Variants in RIGI observed in about 807,000 individuals in gnomAD.
RIGI encodes antiviral innate immune response receptor RIG-I.
chr9:32,457,301 G>T, the RIGI span: 2 of 1,613,948 alleles, frequency 1.2e-6, no homozygotes, highest in Non-Finnish European at 1.7e-6. Flanking sequence ...CTGCAGTTCT[G>T]TCGGGCACAG....
the RIGI span, chr9:32,455,833 C>T: frequency 1.3e-5 from 2 of 152,178 alleles, no homozygotes; most frequent in Admixed American, 6.5e-5. Context: ...CTAACCCTTA[C>T]AGTTCAGTAT....
chr9:32,493,647 G>C, the RIGI span: 3 of 672,620 alleles, frequency 4.5e-6, no homozygotes, highest in Non-Finnish European at 7.1e-6. Flanking sequence ...ACTATTCTAT[G>C]AGTACTTTTG....
chr9:32,495,148 G>A, the RIGI span, among the ~76,000 whole-genome samples: 3 of 152,038 alleles, frequency 2.0e-5, no homozygotes, highest in African/African-American at 7.2e-5. Flanking sequence ...TACCAATCAG[G>A]CACAGGGTTG....
the RIGI span, among the ~76,000 whole-genome samples, chr9:32,463,191 C>A: frequency 2.0e-5 from 3 of 152,162 alleles, no homozygotes; most frequent in African/African-American, 7.2e-5. Flanking sequence ...CCCATCCCAC[C>A]TGAAATTATC....
the RIGI span, among the ~76,000 whole-genome samples, chr9:32,521,139 CAA>C: frequency 1.2e-4 from 4 of 32,776 alleles, no homozygotes; most frequent in African/African-American, 2.3e-4. Flanking sequence ...GACACCATCT[CAA>C]AAAAAAAAAA....
the RIGI span, among the ~76,000 whole-genome samples, chr9:32,458,982 C>CG: frequency 6.6e-6 from 1 of 151,212 alleles, no homozygotes; most frequent in Non-Finnish European, 1.5e-5. Context: ...CTCTGCCTCC[C>CG]GGTTCAAGCG....
chr9:32,509,277 G>A, the RIGI span, among the ~76,000 whole-genome samples: 1 of 152,294 alleles, frequency 6.6e-6, no homozygotes, highest in South Asian at 2.1e-4. Flanking sequence ...TCCTTAAGTG[G>A]GTCCCTGATA....
the RIGI span, chr9:32,487,584 T>G: frequency 4.0e-5 from 64 of 1,614,056 alleles, no homozygotes; most frequent in Non-Finnish European, 5.4e-5. Flanking sequence ...CAAGGCTTCA[T>G]CTGTGTTTTT....
chr9:32,510,823 G>A, the RIGI span, among the ~76,000 whole-genome samples: 1 of 152,002 alleles, frequency 6.6e-6, no homozygotes, highest in Non-Finnish European at 1.5e-5. Flanking sequence ...ACCCATTGGT[G>A]TGCTGTATTC....
the RIGI span, among the ~76,000 whole-genome samples, chr9:32,495,605 C>T: frequency 1.3e-5 from 2 of 151,208 alleles, no homozygotes; most frequent in African/African-American, 4.9e-5. Context: ...TTTCCATATG[C>T]TCATTAGCCA....
chr9:32,464,557 T>A, the RIGI span, among the ~76,000 whole-genome samples: 1 of 152,110 alleles, frequency 6.6e-6, no homozygotes, highest in East Asian at 1.9e-4. Flanking sequence ...GCCTGGCTAA[T>A]TTTTTGTATT....
chr9:32,487,749 A>G, the RIGI span: 10 of 1,294,346 alleles, frequency 7.7e-6, no homozygotes, highest in Non-Finnish European at 9.6e-6. Context: ...ACTAACACAC[A>G]GTGTATGGCA....
At chr9:32,504,713 A>ATG in the RIGI span, among the ~76,000 whole-genome samples, 2 of 144,744 alleles carry the variant, frequency 1.4e-5, no homozygotes, top group African/African-American at 5.1e-5. Context: ...TATACATTTA[A>ATG]TATATATAAA....
chr9:32,491,713 C>CAAAA, the RIGI span, among the ~76,000 whole-genome samples: 2 of 100,452 alleles, frequency 2.0e-5, no homozygotes, highest in Admixed American at 2.1e-4. Flanking sequence ...TCGTATGCAC[C>CAAAA]AAAAAAAAAA....
the RIGI span, among the ~76,000 whole-genome samples, chr9:32,472,329 G>A: frequency 6.6e-6 from 1 of 152,220 alleles, no homozygotes; most frequent in African/African-American, 2.4e-5. Flanking sequence ...TTTGTCTGCA[G>A]GACATATGAG....
chr9:32,459,266 C>T, the RIGI span: 1 of 1,302,300 alleles, frequency 7.7e-7, no homozygotes. Context: ...ATCATGGCCA[C>T]AGTAACAATG....
chr9:32,467,620 G>A, the RIGI span: 2 of 668,004 alleles, frequency 3.0e-6, no homozygotes, highest in Non-Finnish European at 4.6e-6. Flanking sequence ...GCCACCTTAA[G>A]GGCCAATGAT....
At chr9:32,459,550 G>T in the RIGI span, 1 of 1,592,096 alleles carries the variant, frequency 6.3e-7, no homozygotes, top group Non-Finnish European at 8.5e-7. Context: ...TGTAATTTGA[G>T]TACAACATAT....
chr9:32,504,745 C>CAT, the RIGI span, among the ~76,000 whole-genome samples: 73 of 125,610 alleles, frequency 5.8e-4, 1 homozygote, highest in African/African-American at 2.6e-3. Flanking sequence ...ATATTTAATA[C>CAT]ATAAAATATA....
Sources: gnomAD v4.1 joint callset for allele counts (sites outside exome capture counted in the v4.1 genomes callset) on GRCh38, gnomAD v4.1.1 for gene constraint, MANE v1.5 for transcripts, NCBI Gene and HGNC (gene_info 2026-07-23, HGNC 2026-07-21) for gene names.